Variants in CLDN6 observed in about 807,000 individuals in gnomAD.
The protein encoded by CLDN6 is claudin 6.
For synonymous variants in CLDN6, 144 were observed against 131.2 expected (o/e 1.10, Z -0.67); for missense variants, 279 against 284.1 (o/e 0.98, Z 0.13).
At chr16:3,016,135 A>C in intron 1 of CLDN6, 93 bp from the exon 2 acceptor site, 3 of 1,201,552 alleles carry the variant, frequency 2.5e-6, no homozygotes, top group Non-Finnish European at 3.4e-6. Flanking sequence ...TGCACCCTGG[A>C]AAGTGGTCAT....
At chr16:3,016,076 C>T (rs1252541407) in intron 1 of CLDN6, 34 bp from the exon 2 acceptor site, 23 of 1,559,868 alleles carry the variant, frequency 1.5e-5, no homozygotes, top group Non-Finnish European at 1.8e-5. Flanking sequence ...CAAGGTGAGG[C>T]CTGGCAGGCC....
Position 3,015,549 on chromosome 16 carries a change from C to T in CLDN6, c.473G>A (p.Arg158Gln), listed in dbSNP as rs1320376740. 29 of 1,612,912 alleles carry T rather than the reference C, an allele frequency of 1.8e-5. No individual in the cohort carries two copies. The highest frequency in any genetic ancestry group is 2.7e-5 in the African/African-American group (2 of 74,932). ...YNPLVAEAQK[R>Q]ELGASLYLGW... is the part of the protein sequence containing the mutation. ...CAAGTAGAGGGAGGCCCCCAGCTCC[C>T]GCTTTTGGGCCTCAGCCACCAGGGG... Residue 158 changes from arginine to glutamine, a missense_variant, in exon 2 of 2, where the codon CGG becomes CAG. Coordinates refer to ENST00000328796, the MANE Select transcript of CLDN6 (RefSeq NM_021195.5).
intron 1 of CLDN6, among the ~76,000 whole-genome samples, chr16:3,016,914 C>G (rs983755754): frequency 6.6e-6 from 1 of 152,152 alleles, no homozygotes; most frequent in Non-Finnish European, 1.5e-5. Context: ...TCCCAGAGTG[C>G]TGGGATTACA....
chr16:3,015,806 C>A lies in CLDN6; in HGVS notation c.216G>T (p.Ala72=), dbSNP rs773722719. 3.1e-6 allele frequency: 5 copies of A among 1,613,864 alleles called. No homozygotes were observed. Among genetic ancestry groups the A allele is most frequent in the Admixed American group, 1.7e-5 (1 of 60,014 alleles). The change falls in exon 2 of 2, where the codon GCG becomes GCT. Residue 72 remains alanine, a synonymous_variant. Transcript: ENST00000328796. Reference sequence around the variant, plus strand: ...GTGCAGCCTGCAGGTCCTGTGGCAGCGCCAGCAGTGAGTCGTACACCTTGC... The same window carrying A: ...GTGCAGCCTGCAGGTCCTGTGGCAGAGCCAGCAGTGAGTCGTACACCTTGC... ...MQCKVYDSLL[A]LPQDLQAARA...
intron 1 of CLDN6, among the ~76,000 whole-genome samples, chr16:3,016,838 C>T (rs903497735): frequency 1.8e-4 from 28 of 151,520 alleles, no homozygotes; most frequent in African/African-American, 6.1e-4. Flanking sequence ...TTAGTAGAGA[C>T]GGGGTTTCAC....
At chr16:3,017,852 A>G (rs2072577384) in intron 1 of CLDN6, among the ~76,000 whole-genome samples, 1 of 137,624 alleles carries the variant, frequency 7.3e-6, no homozygotes, top group Non-Finnish European at 1.6e-5. Flanking sequence ...CCGCTCCCCC[A>G]GGTGAGGGGG....
At chr16:3,017,144 T>C (rs1332652800) in intron 1 of CLDN6, among the ~76,000 whole-genome samples, 1 of 152,066 alleles carries the variant, frequency 6.6e-6, no homozygotes, top group East Asian at 1.9e-4. Flanking sequence ...CACCACCCAA[T>C]GTCCCTCACA....
At chr16:3,017,970 G>A (rs2072578657) in intron 1 of CLDN6, among the ~76,000 whole-genome samples, 179 bp downstream of exon 1, 1 of 151,708 alleles carries the variant, frequency 6.6e-6, no homozygotes, top group Non-Finnish European at 1.5e-5. Context: ...TAACCCTTGG[G>A]AGCCCCGAAG....
chr16:3,017,894 A>C, intron 1 of CLDN6, among the ~76,000 whole-genome samples: 1 of 148,454 alleles, frequency 6.7e-6, no homozygotes, highest in South Asian at 2.2e-4. Context: ...CCGAGAGGCA[A>C]GGCAGGTGGG....
Position 3,016,792 on chromosome 16 carries a change from C to T in CLDN6, c.-21-750G>A, listed in dbSNP as rs367734961. 9.3e-5 allele frequency among the ~76,000 whole-genome samples: 14 copies of T among 150,636 alleles called. No homozygotes were observed. The South Asian group carries it at 1.1e-3, about 11-fold the overall frequency. On this transcript the variant is annotated intron_variant, in intron 1 of 1. Coordinates refer to ENST00000328796, the MANE Select transcript of CLDN6 (RefSeq NM_021195.5). ...CCTCCCGAGTAGCTGGGACTACAGG[C>T]GCTCACCACCACGCCCGGCTAATTT... is the stretch of plus-strand genomic sequence containing the variant.
intron 1 of CLDN6, among the ~76,000 whole-genome samples, chr16:3,017,803 C>A (rs1447211431): frequency 6.6e-6 from 1 of 151,766 alleles, no homozygotes; most frequent in African/African-American, 2.4e-5. Context: ...GGGAGCCGCG[C>A]GCCCTGGAGG....
chr16:3,014,820 A>T lies in CLDN6; in HGVS notation c.*539T>A. 3.7e-6 allele frequency: 1 copy of T among 269,696 alleles called. No homozygotes were observed. The highest frequency in any genetic ancestry group is 6.8e-6 in the Non-Finnish European group (1 of 147,726). The allele number at this position is 269,696 out of a possible 1,614,324, so 16.7% of individuals were successfully genotyped here. ...GTTGGAGGTGGGGGCGGGGGTCTAC[A>T]TAGCTGGGACCTGGCCCTGGGGGGT... On this transcript the variant is annotated 3_prime_UTR_variant, in exon 2 of 2. Coordinates refer to ENST00000328796, the MANE Select transcript of CLDN6 (RefSeq NM_021195.5).
At chr16:3,017,335 A>G (rs773304780) in intron 1 of CLDN6, among the ~76,000 whole-genome samples, 2 of 152,152 alleles carry the variant, frequency 1.3e-5, no homozygotes, top group Non-Finnish European at 2.9e-5. Flanking sequence ...GCCTTTTCCT[A>G]TGAATTCTAG....
In CLDN6 at chr16:3,016,040, G is replaced by T; in HGVS notation, c.-19C>A. The T allele has an allele frequency of 6.2e-7, 1 of 1,606,756 alleles. No homozygotes were observed. Among genetic ancestry groups the T allele is most frequent in the African/African-American group, 1.3e-5 (1 of 74,996 alleles). On this transcript the variant is annotated splice_region_variant and 5_prime_UTR_variant, in exon 2 of 2. Coordinates refer to ENST00000328796, the MANE Select transcript of CLDN6 (RefSeq NM_021195.5). ...AGGCCATGGCGAGGTTGAAGGAGCTGCACTGTGTTTGGGACAGAAGCACAA... is the reference window on the plus strand; with the variant it reads ...AGGCCATGGCGAGGTTGAAGGAGCTTCACTGTGTTTGGGACAGAAGCACAA...
chr16:3,017,851 C>G (rs1176074456), intron 1 of CLDN6, among the ~76,000 whole-genome samples: 2 of 150,386 alleles, frequency 1.3e-5, no homozygotes, highest in Non-Finnish European at 3.0e-5. Flanking sequence ...TCCGCTCCCC[C>G]AGGTGAGGGG....
rs2072554484 is a variant in CLDN6 at position 3,014,826 on chromosome 16, G to A, written c.*533C>T. ...GGTGGGGGCGGGGGTCTACATAGCTGGGACCTGGCCCTGGGGGGTGGACGT... is the reference window on the plus strand; with the variant it reads ...GGTGGGGGCGGGGGTCTACATAGCTAGGACCTGGCCCTGGGGGGTGGACGT... On this transcript the variant is annotated 3_prime_UTR_variant, in exon 2 of 2. Transcript: ENST00000328796. 1 of 300,838 alleles carries A rather than the reference G, an allele frequency of 3.3e-6. No individual in the cohort carries two copies. Among genetic ancestry groups the A allele is most frequent in the Non-Finnish European group, 6.1e-6 (1 of 165,040 alleles). 18.6% of individuals were successfully genotyped at this position (300,838 alleles called of 1,614,324 possible).
intron 1 of CLDN6, among the ~76,000 whole-genome samples, chr16:3,016,793 G>A (rs1162608371): frequency 1.3e-5 from 2 of 151,860 alleles, no homozygotes; most frequent in Non-Finnish European, 2.9e-5. Context: ...GACTACAGGC[G>A]CTCACCACCA....
In CLDN6 at chr16:3,015,001, C is replaced by G. The variant is rs927314748; in HGVS notation, c.*358G>C. The G allele has an allele frequency of 4.8e-6, 2 of 413,212 alleles. No individual in the cohort carries two copies. Among genetic ancestry groups the G allele is most frequent in the African/African-American group, 4.1e-5 (2 of 48,662 alleles). The allele number at this position is 413,212 out of a possible 1,614,324, so 25.6% of individuals were successfully genotyped here. A position where few individuals can be genotyped will look rare whatever the true frequency, so the allele number is the denominator to read the frequency against. On this transcript the variant is annotated 3_prime_UTR_variant, in exon 2 of 2. Coordinates refer to ENST00000328796, the MANE Select transcript of CLDN6 (RefSeq NM_021195.5). ...CTGTCCAGTGACATCTAGGGAAGCC[C>G]AGCCCCCAGCAGCAGCAGGAACTCT... is the stretch of plus-strand genomic sequence containing the variant.
chr16:3,017,863 A>T (rs903015609), intron 1 of CLDN6, among the ~76,000 whole-genome samples: 2 of 87,156 alleles, frequency 2.3e-5, no homozygotes. Context: ...GGTGAGGGGG[A>T]GGGGGGAGGG....
Sources: gnomAD v4.1 joint callset for allele counts (sites outside exome capture counted in the v4.1 genomes callset) on GRCh38, gnomAD v4.1.1 for gene constraint, MANE v1.5 for transcripts, NCBI Gene and HGNC (gene_info 2026-07-23, HGNC 2026-07-21) for gene names.